Variants in ZNF536 observed in about 807,000 individuals in gnomAD.
The protein encoded by ZNF536 is zinc finger protein 536.
In ZNF536, 13 loss-of-function variants were observed where a neutral mutation model predicts 84.5. The observed-to-expected ratio is 0.15, with a 90% CI of 0.10 to 0.24. ZNF536 has a LOEUF of 0.24. Ranked by LOEUF, ZNF536 falls within the 10% of genes least tolerant of loss-of-function variation. The pLI is 1.00. For missense variants in ZNF536, 1,536 were observed against 1,747.5 expected, an observed-to-expected ratio of 0.88 and a Z score of 2.16; for synonymous variants, 811 against 742.5, an observed-to-expected ratio of 1.09 and a Z score of -1.50.
At position 30,275,114 on chromosome 19, in the gene ZNF536, G is replaced by C. The variant is rs185561288; in HGVS notation, c.-189-8958G>C. ...GTGAGAGATCCAGGGCAAAGACATT[G>C]GGTGGAGCGAGGTTCAGGGAGAGCC... On this transcript the variant is annotated intron_variant, in intron 1 of 5. Coordinates refer to the ZNF536 transcript ENST00000585628. Among the ~76,000 whole-genome samples, 26 of 152,294 alleles carry C rather than the reference G, an allele frequency of 1.7e-4. No individual in the cohort carries two copies. In the East Asian group the frequency reaches 3.5e-3, roughly 20 times the overall value.
chr19:30,623,284 T>C (rs527789102), intron 1 of ZNF536, among the ~76,000 whole-genome samples: 58 of 152,332 alleles, frequency 3.8e-4, no homozygotes, highest in African/African-American at 1.3e-3. Context: ...AACAGAATCC[T>C]AGCTGGTCTC....
At chr19:30,232,275 A>G (rs1441272475) in intron 1 of ZNF536, among the ~76,000 whole-genome samples, 1 of 152,132 alleles carries the variant, frequency 6.6e-6, no homozygotes, top group Non-Finnish European at 1.5e-5. Flanking sequence ...TCTGATTTTT[A>G]AAAAATAATT....
At chr19:30,489,086 G>A (rs957273650) in intron 2 of ZNF536, among the ~76,000 whole-genome samples, 1 of 152,152 alleles carries the variant, frequency 6.6e-6, no homozygotes, top group African/African-American at 2.4e-5. Flanking sequence ...AGAACCCACA[G>A]CTCAAGCTCT....
Position 30,641,659 on chromosome 19 carries a change from G to A in ZNF536, c.170-69098G>A, listed in dbSNP as rs562311463. Reference sequence around the variant, plus strand: ...CCTCGTGCTTTAGAGTATTTCTCTAGGGAAGACCACCAGAAATGGAATTAC... The same window carrying A: ...CCTCGTGCTTTAGAGTATTTCTCTAAGGAAGACCACCAGAAATGGAATTAC... On this transcript the variant is annotated intron_variant, in intron 1 of 1. Coordinates refer to the ZNF536 transcript ENST00000592773. 2.6e-5 allele frequency among the ~76,000 whole-genome samples: 4 copies of A among 152,228 alleles called. No homozygotes were observed. The South Asian group carries it at 8.3e-4, about 32-fold the overall frequency.
chr19:30,675,068 G>A (rs896384287), intron 1 of ZNF536, among the ~76,000 whole-genome samples: 1 of 152,174 alleles, frequency 6.6e-6, no homozygotes, highest in Non-Finnish European at 1.5e-5. Flanking sequence ...ACGAGGCTCA[G>A]TTTCTCTCTC....
chr19:30,321,514 C>T (rs75956776), intron 2 of ZNF536, among the ~76,000 whole-genome samples: 1,792 of 152,144 alleles, frequency 0.012, 42 homozygotes, highest in African/African-American at 0.041. Flanking sequence ...GCCGAGACCA[C>T]GCCACTGCAC....
At chr19:30,684,566 G>T (rs912911702) in intron 1 of ZNF536, among the ~76,000 whole-genome samples, 4 of 152,168 alleles carry the variant, frequency 2.6e-5, no homozygotes, top group Non-Finnish European at 5.9e-5. Context: ...TTGCTTAAGG[G>T]CAAAATCATG....
intron 2 of ZNF536, among the ~76,000 whole-genome samples, chr19:30,455,615 C>G (rs1322814103): frequency 6.6e-6 from 1 of 152,164 alleles, no homozygotes; most frequent in African/African-American, 2.4e-5. Flanking sequence ...GTGAGAAGAT[C>G]GCTTACGCCC....
chr19:30,520,125 CAG>C (rs2044258001), intron 2 of ZNF536, among the ~76,000 whole-genome samples: 1 of 152,310 alleles, frequency 6.6e-6, no homozygotes, highest in South Asian at 2.1e-4. Flanking sequence ...TGAGGTCCAA[CAG>C]AGAGAGAAAT....
intron 2 of ZNF536, among the ~76,000 whole-genome samples, chr19:30,291,273 A>G (rs1309875920): frequency 1.3e-5 from 2 of 152,214 alleles, no homozygotes; most frequent in Non-Finnish European, 2.9e-5. Flanking sequence ...ACTGTCTTCC[A>G]CAATGGTTGA....
At chr19:30,612,907 G>T (rs528120484) in intron 1 of ZNF536, among the ~76,000 whole-genome samples, 16 of 152,336 alleles carry the variant, frequency 1.1e-4, no homozygotes, top group Non-Finnish European at 2.1e-4. Flanking sequence ...ACTTCATGTT[G>T]AATTTAATTG....
chr19:30,381,612 T>A (rs2049025479), intron 1 of ZNF536, among the ~76,000 whole-genome samples: 1 of 151,920 alleles, frequency 6.6e-6, no homozygotes, highest in Non-Finnish European at 1.5e-5. Flanking sequence ...GGAGGTGAGA[T>A]GGGAAATTAG....
intron 1 of ZNF536, among the ~76,000 whole-genome samples, chr19:30,570,564 C>T (rs1025867225): frequency 6.6e-6 from 1 of 152,008 alleles, no homozygotes; most frequent in Non-Finnish European, 1.5e-5. Flanking sequence ...TTGTAATAAC[C>T]GTTGTCAACA....
chr19:30,708,373 A>C (rs1018122595), intron 1 of ZNF536, among the ~76,000 whole-genome samples: 1 of 152,228 alleles, frequency 6.6e-6, no homozygotes, highest in African/African-American at 2.4e-5. Context: ...TGGTGTGGGC[A>C]AAAGGGGTTG....
At chr19:30,692,056 A>G (rs1264878633) in intron 1 of ZNF536, among the ~76,000 whole-genome samples, 1 of 152,222 alleles carries the variant, frequency 6.6e-6, no homozygotes, top group Non-Finnish European at 1.5e-5. Context: ...TGCCCTTAAG[A>G]GTTAAATCAT....
chr19:30,633,359 GATTGA>G (rs2048956696), intron 1 of ZNF536, among the ~76,000 whole-genome samples: 1 of 152,214 alleles, frequency 6.6e-6, no homozygotes, highest in African/African-American at 2.4e-5. Flanking sequence ...GACGTGGGAA[GATTGA>G]ATTAATCTGA....
Position 30,542,848 on chromosome 19 carries a change from A to G in ZNF536, c.2324-5095A>G, listed in dbSNP as rs79792451. On this transcript the variant is annotated intron_variant, in intron 3 of 4. Transcript: ENST00000355537. ...TTTTCTAGAGACAGGGTCTCACTCT[A>G]TCCCCCAGGTTGGTGTGCAGTGGTG... Among the ~76,000 whole-genome samples, 212 of 152,258 alleles carry G rather than the reference A, an allele frequency of 1.4e-3. 3 individuals are homozygous for G. The East Asian group carries it at 0.036, about 26-fold the overall frequency.
intron 1 of ZNF536, among the ~76,000 whole-genome samples, chr19:30,283,096 T>C (rs2145666641): frequency 6.6e-6 from 1 of 152,350 alleles, no homozygotes; most frequent in African/African-American, 2.4e-5. Context: ...GTCCTACAAA[T>C]GTATCTTCTG....
At chr19:30,706,329 T>C (rs1263616342) in intron 1 of ZNF536, among the ~76,000 whole-genome samples, 1 of 151,704 alleles carries the variant, frequency 6.6e-6, no homozygotes, top group Non-Finnish European at 1.5e-5. Context: ...CTAAAAAAAA[T>C]ACAAAAAGTT....
Sources: gnomAD v4.1 joint callset for allele counts (sites outside exome capture counted in the v4.1 genomes callset) on GRCh38, gnomAD v4.1.1 for gene constraint, MANE v1.5 for transcripts, NCBI Gene and HGNC (gene_info 2026-07-23, HGNC 2026-07-21) for gene names.